Variants in ATXN2L observed in about 807,000 individuals in gnomAD.
ATXN2L encodes ataxin-2-like protein.
In ATXN2L, 24 loss-of-function variants were observed where a neutral mutation model predicts 120.7. That is an observed-to-expected ratio of 0.20 (90% CI 0.14 to 0.28). ATXN2L has a LOEUF of 0.28. Ranked by LOEUF, ATXN2L falls within the 10% of genes least tolerant of loss-of-function variation. The pLI is 1.00. For missense variants in ATXN2L, 1,312 were observed against 1,432.3 expected (o/e 0.92, Z 1.36); for synonymous variants, 653 against 568.1 (o/e 1.15, Z -2.13).
chr16:28,825,123 A>G (rs528812152), intron 1 of ATXN2L, among the ~76,000 whole-genome samples: 4 of 151,702 alleles, frequency 2.6e-5, no homozygotes, highest in Non-Finnish European at 5.9e-5. Flanking sequence ...AGGCTGAGGC[A>G]GGAAGATCAC....
In ATXN2L at chr16:28,823,321, A is replaced by G; in HGVS notation, c.62A>G (p.Gln21Arg). The change falls in exon 1 of 22, where the codon CAG becomes CGG. Residue 21 changes from glutamine (Q) to arginine (R), a missense_variant. Physicochemically the swap from Gln to Arg is conservative, Grantham distance 43. Transcript: ENST00000336783. Reference protein sequence around the residue: ...SQPQQPPPTQQAVARRPPGGT... With the variant: ...SQPQQPPPTQRAVARRPPGGT... ...CCCCAGCAGCCGCCCCCCACGCAAC[A>G]GGCCGTGGCCCGTCGGCCCCCCGGG... 1 of 1,481,252 alleles carries G rather than the reference A, an allele frequency of 6.8e-7. No homozygotes were observed. Among genetic ancestry groups the G allele is most frequent in the Non-Finnish European group, 8.9e-7 (1 of 1,117,570 alleles). 91.8% of individuals were successfully genotyped at this position (1,481,252 alleles called of 1,614,324 possible). A position where few individuals can be genotyped will look rare whatever the true frequency, so the allele number is the denominator to read the frequency against.
chr16:28,833,091 G>A lies in ATXN2L; in HGVS notation c.1692G>A (p.Leu564=), dbSNP rs373717981. 56 of 1,614,064 alleles carry A rather than the reference G, an allele frequency of 3.5e-5. No homozygotes were observed. The highest frequency in any genetic ancestry group is 2.6e-5 in the Non-Finnish European group (31 of 1,180,010). The change falls in exon 14 of 22, where the codon CTG becomes CTA. Residue 564 remains leucine (L), a synonymous_variant. Coordinates refer to ENST00000336783, the MANE Select transcript of ATXN2L (RefSeq NM_007245.4). ...CCAGTAGCTCCCCTGAGAACAGCCT[G>A]GATCCTTTTCCTCCCCGGATCTTAA... ...LQPSSSPENS[L]DPFPPRILKE... is the part of the protein sequence containing the mutation.
rs775150166 is a variant in ATXN2L, at chr16:28,836,762, C to A, written c.*497C>A. 3 of 1,613,626 alleles carry A rather than the reference C, an allele frequency of 1.9e-6. No homozygotes were observed. Among genetic ancestry groups the A allele is most frequent in the African/African-American group, 1.3e-5 (1 of 74,866 alleles). ...ATCCCTCCCAGCAGCTCCCCTTCCA[C>A]CCCCCGGGGAACTGAAGATTGTCCT... On this transcript the variant is annotated 3_prime_UTR_variant, in exon 22 of 22. Transcript: ENST00000336783.
intron 2 of ATXN2L, 71 bp downstream of exon 2, chr16:28,825,473 CATTAGGTCTA>C: frequency 1.3e-6 from 2 of 1,568,392 alleles, no homozygotes; most frequent in Non-Finnish European, 1.8e-6. Flanking sequence ...ATATAGGGCA[CATTAGGTCTA>C]GATAGAGTCT....
chr16:28,829,660 C>A, intron 7 of ATXN2L, 168 bp downstream of exon 7: 1 of 763,648 alleles, frequency 1.3e-6, no homozygotes, highest in Non-Finnish European at 2.2e-6. Context: ...AGGTTTTAAG[C>A]GTCTTAAGTG....
intron 6 of ATXN2L, among the ~76,000 whole-genome samples, 155 bp downstream of exon 6, chr16:28,827,141 T>C (rs1384653989): frequency 6.6e-6 from 1 of 152,128 alleles, no homozygotes; most frequent in African/African-American, 2.4e-5. Flanking sequence ...AAAGTAAAAA[T>C]ATCTATTCTT....
chr16:28,834,469 G>T (rs1403921396), intron 17 of ATXN2L, 37 bp from the exon 18 acceptor site: 2 of 1,613,536 alleles, frequency 1.2e-6, no homozygotes, highest in South Asian at 2.2e-5. Flanking sequence ...CTACTGGCAG[G>T]TGGAGCTTGA....
intron 7 of ATXN2L, 41 bp downstream of exon 7, chr16:28,829,533 T>G (rs372038270): frequency 1.4e-5 from 20 of 1,403,926 alleles, no homozygotes; most frequent in Non-Finnish European, 1.9e-5. Context: ...GTTGGTGATA[T>G]GGGGTCACTA....
Position 28,823,391 on chromosome 16 carries a change from C to G in ATXN2L, c.132C>G (p.Thr44=). 7.5e-7 allele frequency: 1 copy of G among 1,335,806 alleles called. No individual in the cohort carries two copies. Among genetic ancestry groups the G allele is most frequent in the Non-Finnish European group, 9.5e-7 (1 of 1,047,430 alleles). The allele number at this position is 1,335,806 out of a possible 1,614,324, so 82.7% of individuals were successfully genotyped here. ...GCGGCCTCCCGGGGCCGCTGGCCAC[C>G]TCTGCGGCTCCTCCCGGGCCTCCAG... is the stretch of plus-strand genomic sequence containing the variant. ...PNGGLPGPLA[T]SAAPPGPPAA... The change falls in exon 1 of 22, where the codon ACC becomes ACG. Residue 44 remains threonine, a synonymous_variant. Coordinates refer to ENST00000336783, the MANE Select transcript of ATXN2L (RefSeq NM_007245.4).
intron 21 of ATXN2L, 58 bp from the exon 22 acceptor site, chr16:28,835,875 T>C: frequency 1.3e-5 from 20 of 1,566,786 alleles, no homozygotes; most frequent in Non-Finnish European, 1.6e-5. Flanking sequence ...TAACTCTGGC[T>C]CTCAGAGTCT....
chr16:28,824,437 C>A, intron 1 of ATXN2L: 3 of 1,285,408 alleles, frequency 2.3e-6, no homozygotes, highest in Non-Finnish European at 3.0e-6. Context: ...GCTTTTGCGG[C>A]TGCGCTGTCC....
At position 28,834,631 on chromosome 16, in the gene ATXN2L, A is replaced by C; in HGVS notation, c.2371A>C (p.Asn791His). Residue 791 changes from asparagine to histidine, a missense_variant, in exon 18 of 22, where the codon AAC becomes CAC. Coordinates refer to ENST00000336783, the MANE Select transcript of ATXN2L (RefSeq NM_007245.4). Reference sequence around the variant, plus strand: ...GCCCTATTCTTCCTACATCCCCTACAACCCTCAGCAGTTCCCAGGCCAGCC... The same window carrying C: ...GCCCTATTCTTCCTACATCCCCTACCACCCTCAGCAGTTCCCAGGCCAGCC... Reference protein sequence around the residue: ...ATPYSSYIPYNPQQFPGQPAM... With the variant: ...ATPYSSYIPYHPQQFPGQPAM... The C allele has an allele frequency of 6.2e-7, 1 of 1,613,934 alleles. No individual in the cohort carries two copies. Among genetic ancestry groups the C allele is most frequent in the Non-Finnish European group, 8.5e-7 (1 of 1,179,988 alleles).
chr16:28,833,885 C>T (rs560045390), intron 15 of ATXN2L, 180 bp from the exon 16 acceptor site: 15 of 769,762 alleles, frequency 1.9e-5, no homozygotes, highest in South Asian at 9.3e-5. Flanking sequence ...ACATTCTCTG[C>T]CTCACCTGTA....
rs1240533407 is a variant in ATXN2L, at chr16:28,832,120, A to G, written c.1322-85A>G. The stretch of plus-strand genomic sequence containing the variant: ...GTGACTCTGGTTGTATAGTGTGTAA[A>G]CTTTCTTGCTGTTTTGAGTAAGGCC... On this transcript the variant is annotated intron_variant, in intron 10 of 21. Transcript: ENST00000336783. 7 of 1,448,440 alleles carry G rather than the reference A, an allele frequency of 4.8e-6. No homozygotes were observed. In the Admixed American group the frequency reaches 1.1e-4, roughly 23 times the overall value. The allele number at this position is 1,448,440 out of a possible 1,614,324, so 89.7% of individuals were successfully genotyped here.
In ATXN2L at chr16:28,823,176, C is replaced by T. The variant is rs908049277; in HGVS notation, c.-84C>T. On this transcript the variant is annotated 5_prime_UTR_variant, in exon 1 of 22. Transcript: ENST00000336783. ...GGCCCCGGCTGCCCGATCCCCCTCG[C>T]TTCCCGCGCTCTCCAGCGGGGCCCC... The T allele has an allele frequency of 5.0e-6, 5 of 995,422 alleles. No individual in the cohort carries two copies. In the South Asian group the frequency reaches 1.1e-4, roughly 22 times the overall value. 61.7% of individuals were successfully genotyped at this position (995,422 alleles called of 1,614,324 possible). A position where few individuals can be genotyped will look rare whatever the true frequency, so the allele number is the denominator to read the frequency against.
intron 1 of ATXN2L, chr16:28,824,469 CT>C (rs1485408592): frequency 7.8e-7 from 1 of 1,287,918 alleles, no homozygotes; most frequent in African/African-American, 1.5e-5. Flanking sequence ...CAGCGGCCCC[CT>C]CTTCGCCCTC....
At chr16:28,827,053 A>G in intron 6 of ATXN2L, 67 bp downstream of exon 6, 28 of 1,333,428 alleles carry the variant, frequency 2.1e-5, no homozygotes, top group Non-Finnish European at 2.7e-5. Context: ...AGTGAGGTTC[A>G]TTTGAGTGGG....
At chr16:28,829,266 G>T in intron 6 of ATXN2L, 135 bp from the exon 7 acceptor site, 1 of 666,836 alleles carries the variant, frequency 1.5e-6, no homozygotes, top group Non-Finnish European at 2.7e-6. Flanking sequence ...GCTTCCCAAA[G>T]TACTGGGATT....
rs2054803613 is a variant in ATXN2L at position 28,832,334 on chromosome 16, T to C, written c.1451T>C (p.Val484Ala). The C allele has an allele frequency of 3.1e-6, 5 of 1,614,164 alleles. No individual in the cohort carries two copies. The highest frequency in any genetic ancestry group is 4.2e-6 in the Non-Finnish European group (5 of 1,180,034). ...GCCTCCATCCCTGTGACCTCATCAG[T>C]CTCAGATCCTGGAGTGGGCTCCATT... Reference protein sequence around the residue: ...SSASIPVTSSVSDPGVGSISP... With the variant: ...SSASIPVTSSASDPGVGSISP... Residue 484 changes from valine to alanine, a missense_variant, in exon 11 of 22, where the codon GTC becomes GCC. Val to Ala is a moderately conservative substitution (Grantham distance 64). Coordinates refer to ENST00000336783, the MANE Select transcript of ATXN2L (RefSeq NM_007245.4).
Sources: gnomAD v4.1 joint callset for allele counts (sites outside exome capture counted in the v4.1 genomes callset) on GRCh38, gnomAD v4.1.1 for gene constraint, MANE v1.5 for transcripts, NCBI Gene and HGNC (gene_info 2026-07-23, HGNC 2026-07-21) for gene names.